Variants in KCNH6 observed in about 807,000 individuals in gnomAD.
KCNH6 encodes the protein potassium voltage-gated channel subfamily H member 6.
KCNH6 carries 81 observed loss-of-function variants against 83.4 expected under a neutral mutation model. That is an observed-to-expected ratio of 0.97 (90% CI 0.81 to 1.17). The LOEUF is 1.17. Among genes scored for constraint, KCNH6 ranks in the 50% most tolerant of loss-of-function variants. The pLI, the probability that KCNH6 is intolerant of heterozygous loss-of-function variation, is 0.00. For missense variants in KCNH6, 1,203 were observed against 1,290.5 expected (o/e 0.93, Z 1.04); for synonymous variants, 503 against 545.6 (o/e 0.92, Z 1.09).
intron 4 of KCNH6, among the ~76,000 whole-genome samples, chr17:63,530,951 C>T (rs2147652274): frequency 6.6e-6 from 1 of 152,178 alleles, no homozygotes; most frequent in South Asian, 2.1e-4. Context: ...GGGGGGGGGT[C>T]CCAGCCCTGT....
rs143423594 is a variant in KCNH6, at chr17:63,538,120, C to T, written c.1557C>T (p.Tyr519=). The part of the protein sequence containing the change: ...GNVSAIIQRL[Y]SGTARYHTQM... ...TGTCCGCGATCATCCAGCGCCTGTA[C>T]TCGGGCACCGCGCGCTACCACACGC... Residue 519 remains tyrosine (Y), a synonymous_variant, in exon 7 of 13, where the codon TAC becomes TAT. Transcript: ENST00000314672. This position sits in a 1 kb window ranked among gnomAD's most constrained non-coding sequence, Gnocchi z 4.0. 1.3e-4 allele frequency: 205 copies of T among 1,614,122 alleles called. No individual in the cohort carries two copies. The East Asian group carries it at 4.0e-3, about 32-fold the overall frequency.
rs1016379212 is a variant in KCNH6, at chr17:63,534,920, C to T, written c.1101+609C>T. Among the ~76,000 whole-genome samples the T allele has an allele frequency of 6.6e-6, 1 of 152,074 alleles. No homozygotes were observed. Among genetic ancestry groups the T allele is most frequent in the African/African-American group, 2.4e-5 (1 of 41,390 alleles). ...CTGCTCCAAAGCCCCCTAAGACCAC[C>T]CCTCAACAAATCCACCCTCCTACCT... On this transcript the variant is annotated intron_variant, in intron 5 of 12. Transcript: ENST00000314672. The surrounding 1 kb of genome is among the most constrained non-coding windows in gnomAD (Gnocchi z 5.0).
At chr17:63,541,956 C>T (rs542827575) in intron 8 of KCNH6, among the ~76,000 whole-genome samples, 1 of 152,252 alleles carries the variant, frequency 6.6e-6, no homozygotes, top group Non-Finnish European at 1.5e-5. Context: ...GTATGGGCTA[C>T]AGGAGGGAGA....
chr17:63,534,120 G>A lies in KCNH6; in HGVS notation c.910G>A (p.Asp304Asn). The change falls in exon 5 of 13, where the codon GAT (aspartate) becomes AAT (asparagine). Residue 304 changes from aspartate (D) to asparagine (N), a missense_variant. Physicochemically the swap from Asp to Asn is conservative, Grantham distance 23. Transcript: ENST00000314672. This position sits in a 1 kb window ranked among gnomAD's most constrained non-coding sequence, Gnocchi z 5.0. ...TACCTGCAGTCCCCTCACTGTGGTG[G>A]ATCTCATCGTGGACATCATGTTCGT... ...SYTCSPLTVVDLIVDIMFVVD... is the reference protein window; with the variant it reads ...SYTCSPLTVVNLIVDIMFVVD... The A allele has an allele frequency of 6.2e-7, 1 of 1,612,966 alleles. No individual in the cohort carries two copies. The highest frequency in any genetic ancestry group is 8.5e-7 in the Non-Finnish European group (1 of 1,179,650).
At chr17:63,531,529 CCCTG>C (rs1215346706) in intron 4 of KCNH6, among the ~76,000 whole-genome samples, 1 of 152,248 alleles carries the variant, frequency 6.6e-6, no homozygotes, top group East Asian at 1.9e-4. Context: ...GCTCTTTTCC[CCCTG>C]CCTGTTTTCA....
intron 6 of KCNH6, among the ~76,000 whole-genome samples, chr17:63,537,360 T>C (rs2032564515): frequency 6.6e-6 from 1 of 152,148 alleles, no homozygotes; most frequent in South Asian, 2.1e-4. Context: ...TTTAGAGATA[T>C]GAAAGTCCAG....
intron 6 of KCNH6, among the ~76,000 whole-genome samples, chr17:63,537,755 GT>G (rs573564742): frequency 0.024 from 3,607 of 152,248 alleles, 70 homozygotes; most frequent in Middle Eastern, 0.041. Flanking sequence ...TATCTTTATT[GT>G]ATTTTTACAA....
chr17:63,531,337 C>G (rs561234663), intron 4 of KCNH6, among the ~76,000 whole-genome samples: 1 of 152,272 alleles, frequency 6.6e-6, no homozygotes, highest in Non-Finnish European at 1.5e-5. Context: ...CTTTCATCTG[C>G]AGGAGAGAGA....
In KCNH6 at chr17:63,538,127, A is replaced by AT; in HGVS notation, c.1564_1565insT (p.Thr522IlefsTer43). The AT allele has an allele frequency of 6.2e-7, 1 of 1,614,112 alleles. No homozygotes were observed. ...GATCATCCAGCGCCTGTACTCGGGC[A>AT]CCGCGCGCTACCACACGCAGATGCT... On this transcript the variant is annotated frameshift_variant, in exon 7 of 13. Coordinates refer to ENST00000314672, the MANE Select transcript of KCNH6 (RefSeq NM_001278919.2). LOFTEE classifies it high-confidence loss of function. This position sits in a 1 kb window ranked among gnomAD's most constrained non-coding sequence, Gnocchi z 4.0.
chr17:63,526,432 C>T (rs73332011), intron 2 of KCNH6, among the ~76,000 whole-genome samples: 5,945 of 148,220 alleles, frequency 0.04, 411 homozygotes, highest in African/African-American at 0.14. Context: ...TGCTCTGTCA[C>T]GCAGGCTGGC....
Position 63,533,211 on chromosome 17 carries a change from G to C in KCNH6, c.676-675G>C, listed in dbSNP as rs2032239783. Among the ~76,000 whole-genome samples the C allele has an allele frequency of 6.6e-6, 1 of 152,116 alleles. No individual in the cohort carries two copies. Among genetic ancestry groups the C allele is most frequent in the Non-Finnish European group, 1.5e-5 (1 of 68,010 alleles). Reference sequence around the variant, plus strand: ...AGTCTTGGAGGCGGGGGCGGGAGGGGAGAAGGGAGAAGGGAAGGCTCTGCA... The same window carrying C: ...AGTCTTGGAGGCGGGGGCGGGAGGGCAGAAGGGAGAAGGGAAGGCTCTGCA... On this transcript the variant is annotated intron_variant, in intron 4 of 12. Transcript: ENST00000314672. The surrounding 1 kb of genome is among the most constrained non-coding windows in gnomAD (Gnocchi z 4.1).
Position 63,536,087 on chromosome 17 carries a change from C to T in KCNH6, c.1501+19C>T, listed in dbSNP as rs751948353. 30 of 1,607,776 alleles carry T rather than the reference C, an allele frequency of 1.9e-5. 1 individual carries two copies. Among genetic ancestry groups the T allele is most frequent in the Non-Finnish European group, 2.4e-5 (28 of 1,176,410 alleles). On this transcript the variant is annotated intron_variant, in intron 6 of 12. Transcript: ENST00000314672. ...ATCGGCTGTGAGTGAGACCTCATGCCACGGCCTAACTTCATGCTCTGGTCT... is the reference window on the plus strand; with the variant it reads ...ATCGGCTGTGAGTGAGACCTCATGCTACGGCCTAACTTCATGCTCTGGTCT...
chr17:63,532,604 G>A (rs1568071907), intron 4 of KCNH6, among the ~76,000 whole-genome samples: 1 of 152,356 alleles, frequency 6.6e-6, no homozygotes, highest in South Asian at 2.1e-4. Context: ...GTGGGGACAT[G>A]GTAGCCCCAC....
intron 9 of KCNH6, among the ~76,000 whole-genome samples, chr17:63,543,193 C>T (rs1281956528): frequency 6.6e-6 from 1 of 152,226 alleles, no homozygotes; most frequent in East Asian, 1.9e-4. Context: ...CTGGCGTAGG[C>T]CCTGTGCCCA....
rs746443517 is a variant in KCNH6, at chr17:63,538,612, C to T, written c.1904C>T (p.Ser635Phe). 16 of 1,609,556 alleles carry T rather than the reference C, an allele frequency of 9.9e-6. No homozygotes were observed. The South Asian group carries it at 1.7e-4, about 17-fold the overall frequency. ...GDVLSTLYFI[S>F]RGSIEILRDD... ...GTGCTCTCCACCCTCTACTTCATCTCCCGAGGCTCCATCGAGATCCTGCGC... is the reference window on the plus strand; with the variant it reads ...GTGCTCTCCACCCTCTACTTCATCTTCCGAGGCTCCATCGAGATCCTGCGC... Residue 635 changes from serine (S) to phenylalanine (F), a missense_variant, in exon 8 of 13, where the codon TCC becomes TTC. Ser to Phe is a radical substitution (Grantham distance 155, BLOSUM62 -2). Coordinates refer to ENST00000314672, the MANE Select transcript of KCNH6 (RefSeq NM_001278919.2). This position sits in a 1 kb window ranked among gnomAD's most constrained non-coding sequence, Gnocchi z 4.0.
Position 63,546,239 on chromosome 17 carries a change from CAAAA to C in KCNH6, c.*352_*355del, listed in dbSNP as rs79018117. 3,529 of 65,480 alleles carry C rather than the reference CAAAA, an allele frequency of 0.054. 63 individuals carry two copies. Among genetic ancestry groups the C allele is most frequent in the Middle Eastern group, 0.089 (10 of 112 alleles). The allele number at this position is 65,480 out of a possible 1,614,324, so 4.1% of individuals were successfully genotyped here. On this transcript the variant is annotated 3_prime_UTR_variant, in exon 13 of 13. Transcript: ENST00000314672. The stretch of plus-strand genomic sequence containing the variant: ...TGGGTGACAGAGTGAGACTCCAACT[CAAAA>C]AAAAAAAAAAAAAAGATCTTGGGGA...
rs760501233 is a variant in KCNH6 at position 63,534,076 on chromosome 17, G to A, written c.866G>A (p.Arg289Gln). 89 of 1,613,376 alleles carry A rather than the reference G, an allele frequency of 5.5e-5. 5 individuals are homozygous for A. Among genetic ancestry groups the A allele is most frequent in the African/African-American group, 5.5e-4 (41 of 74,766 alleles). The change falls in exon 5 of 13, where the codon CGG (arginine) becomes CAG (glutamine). Residue 289 changes from arginine to glutamine, a missense_variant. Transcript: ENST00000314672. The surrounding 1 kb of genome is among the most constrained non-coding windows in gnomAD (Gnocchi z 5.0). Reference sequence around the variant, plus strand: ...CTGCTCAGCGATCAGGACGAATCACGGCGTGGGGCCTGCAGCTATACCTGC... The same window carrying A: ...CTGCTCAGCGATCAGGACGAATCACAGCGTGGGGCCTGCAGCTATACCTGC... ...AFLLSDQDES[R>Q]RGACSYTCSP... is the part of the protein sequence containing the mutation.
rs2033131608 is a variant in KCNH6, at chr17:63,546,006, C to A, written c.*104C>A. Reference sequence around the variant, plus strand: ...CAGTGGCTCGCCTGTAATCCCAGCACTTTGGGAGGCCGAGGCGGGCGGATC... The same window carrying A: ...CAGTGGCTCGCCTGTAATCCCAGCAATTTGGGAGGCCGAGGCGGGCGGATC... On this transcript the variant is annotated 3_prime_UTR_variant, in exon 13 of 13. Transcript: ENST00000314672. The A allele has an allele frequency of 9.4e-7, 1 of 1,065,138 alleles. No homozygotes were observed. Among genetic ancestry groups the A allele is most frequent in the Admixed American group, 2.3e-5 (1 of 44,266 alleles). 66.0% of individuals were successfully genotyped at this position (1,065,138 alleles called of 1,614,324 possible). A position where few individuals can be genotyped will look rare whatever the true frequency, so the allele number is the denominator to read the frequency against.
At chr17:63,528,611 T>C (rs1597976031) in intron 2 of KCNH6, among the ~76,000 whole-genome samples, 1 of 152,118 alleles carries the variant, frequency 6.6e-6, no homozygotes, top group East Asian at 1.9e-4. Flanking sequence ...ATACATTCAG[T>C]CAACAAACAA....
Sources: gnomAD v4.1 joint callset for allele counts (sites outside exome capture counted in the v4.1 genomes callset) on GRCh38, gnomAD v4.1.1 for gene constraint, Gnocchi (gnomAD v3.1) non-coding constraint, MANE v1.5 for transcripts, NCBI Gene and HGNC (gene_info 2026-07-23, HGNC 2026-07-21) for gene names.